Variants in MAPRE2 observed in about 807,000 individuals in gnomAD.
The protein encoded by MAPRE2 is microtubule-associated protein RP/EB family member 2.
Under a neutral mutation model 43.2 loss-of-function variants are expected in MAPRE2, and 13 were observed. The observed-to-expected ratio is 0.30, with a 90% CI of 0.20 to 0.48. The LOEUF (loss-of-function observed/expected upper bound fraction) is 0.48, where lower values mean the gene tolerates loss of function less well. MAPRE2 is among the 20% of genes least tolerant of loss of function. MAPRE2 has a pLI of 0.99. For synonymous variants in MAPRE2, 135 were observed against 148.8 expected (o/e 0.91, Z 0.68); for missense variants, 161 against 400.2 (o/e 0.40, Z 5.10).
At chr18:35,056,416 G>T (rs2150609777) in intron 1 of MAPRE2, among the ~76,000 whole-genome samples, 1 of 152,124 alleles carries the variant, frequency 6.6e-6, no homozygotes, top group South Asian at 2.1e-4. Flanking sequence ...GTTTAGGTTT[G>T]GAAAGCCAAA....
intron 2 of MAPRE2, among the ~76,000 whole-genome samples, chr18:35,008,502 G>A (rs892924549): frequency 6.6e-6 from 1 of 152,148 alleles, no homozygotes; most frequent in Non-Finnish European, 1.5e-5. Context: ...CATAATGAGT[G>A]TGAACTTTGT....
chr18:35,134,426 G>A (rs1423648216), intron 6 of MAPRE2, among the ~76,000 whole-genome samples: 5 of 152,200 alleles, frequency 3.3e-5, no homozygotes, highest in Non-Finnish European at 7.3e-5. Context: ...TCCCTGTGAG[G>A]TGAGTAATTA....
chr18:35,060,454 C>T (rs188204018), intron 1 of MAPRE2, among the ~76,000 whole-genome samples: 1 of 152,306 alleles, frequency 6.6e-6, no homozygotes, highest in African/African-American at 2.4e-5. Context: ...TAATCAGCTG[C>T]ATTTCTGACC....
At chr18:35,112,309 T>G (rs548366567) in intron 4 of MAPRE2, among the ~76,000 whole-genome samples, 1 of 152,162 alleles carries the variant, frequency 6.6e-6, no homozygotes, top group African/African-American at 2.4e-5. Flanking sequence ...GTAGCTGGGA[T>G]TACAGGCATG....
At chr18:35,009,275 A>G (rs1039701262) in intron 2 of MAPRE2, among the ~76,000 whole-genome samples, 3 of 152,148 alleles carry the variant, frequency 2.0e-5, no homozygotes, top group African/African-American at 7.2e-5. Flanking sequence ...GAGATTAGCT[A>G]TTCATTCCAT....
intron 2 of MAPRE2, among the ~76,000 whole-genome samples, chr18:35,076,174 C>G (rs1000069147): frequency 1.3e-5 from 2 of 152,158 alleles, no homozygotes; most frequent in Non-Finnish European, 2.9e-5. Flanking sequence ...ATTCTATAAT[C>G]AATTTAGTTT....
chr18:35,025,693 A>G (rs559478070), intron 2 of MAPRE2, among the ~76,000 whole-genome samples: 2 of 152,240 alleles, frequency 1.3e-5, no homozygotes, highest in Non-Finnish European at 2.9e-5. Flanking sequence ...AGCAAGCTGA[A>G]GTTATTTTCA....
At chr18:34,991,418 C>T (rs1464494963) in intron 1 of MAPRE2, among the ~76,000 whole-genome samples, 1 of 152,168 alleles carries the variant, frequency 6.6e-6, no homozygotes, top group Non-Finnish European at 1.5e-5. Context: ...AACGTCTGTC[C>T]TACAGAACTA....
At chr18:35,086,279 T>C (rs1907873592) in intron 2 of MAPRE2, among the ~76,000 whole-genome samples, 1 of 151,818 alleles carries the variant, frequency 6.6e-6, no homozygotes, top group African/African-American at 2.4e-5. Context: ...CATGTATATA[T>C]GAGATACATA....
chr18:35,017,557 T>C (rs1258224564), intron 2 of MAPRE2, among the ~76,000 whole-genome samples: 1 of 98,720 alleles, frequency 1.0e-5, no homozygotes, highest in Non-Finnish European at 2.5e-5. Context: ...TTTTCTTTTG[T>C]TTTTTGTTTT....
intron 1 of MAPRE2, among the ~76,000 whole-genome samples, chr18:34,991,891 G>A (rs1034641263): frequency 2.6e-5 from 4 of 152,154 alleles, no homozygotes; most frequent in African/African-American, 9.7e-5. Context: ...TTTTCCCATG[G>A]AGTTTGTGGC....
chr18:35,071,867 C>T (rs1050697787), intron 2 of MAPRE2, among the ~76,000 whole-genome samples: 4 of 152,202 alleles, frequency 2.6e-5, no homozygotes, highest in South Asian at 2.1e-4. Flanking sequence ...AGAACTTAGG[C>T]GTTGCCTCAC....
chr18:35,121,805 G>T (rs1483129814), intron 4 of MAPRE2, among the ~76,000 whole-genome samples: 1 of 152,194 alleles, frequency 6.6e-6, no homozygotes, highest in African/African-American at 2.4e-5. Flanking sequence ...AGCTATTGAG[G>T]ACTTCAGTAT....
intron 1 of MAPRE2, among the ~76,000 whole-genome samples, chr18:35,001,574 T>G (rs571467681): frequency 6.6e-6 from 1 of 151,988 alleles, no homozygotes; most frequent in South Asian, 2.1e-4. Context: ...CACTTCTGGT[T>G]TTGAATATGT....
intron 1 of MAPRE2, among the ~76,000 whole-genome samples, chr18:34,990,052 G>A (rs2097022978): frequency 6.6e-6 from 1 of 152,156 alleles, no homozygotes; most frequent in Non-Finnish European, 1.5e-5. Context: ...TTCTAGCACA[G>A]TGCTTGACAC....
At chr18:34,987,745 T>A (rs2097021758) in intron 1 of MAPRE2, among the ~76,000 whole-genome samples, 1 of 152,074 alleles carries the variant, frequency 6.6e-6, no homozygotes, top group African/African-American at 2.4e-5. Context: ...CAGGCTCAAG[T>A]GATCCTCCCA....
chr18:35,141,087 C>G lies in MAPRE2; in HGVS notation c.*718C>G, dbSNP rs1221991273. ...GAAAACACCATCTCAACTTTGCCCG[C>G]TCACCATGTCCCTTGCCCCCATGTA... On this transcript the variant is annotated 3_prime_UTR_variant, in exon 7 of 7. Transcript: ENST00000300249. 2 of 152,254 alleles carry G rather than the reference C, an allele frequency of 1.3e-5. No homozygotes were observed. The highest frequency in any genetic ancestry group is 4.8e-5 in the African/African-American group (2 of 41,450). 9.4% of individuals were successfully genotyped at this position (152,254 alleles called of 1,614,324 possible).
chr18:35,018,909 T>C (rs2097040213), intron 2 of MAPRE2, among the ~76,000 whole-genome samples: 1 of 151,986 alleles, frequency 6.6e-6, no homozygotes, highest in Non-Finnish European at 1.5e-5. Context: ...TTTGGTATGA[T>C]GTTAGATCAT....
At chr18:35,043,305 T>C (rs1905456452) in intron 1 of MAPRE2, among the ~76,000 whole-genome samples, 1 of 152,238 alleles carries the variant, frequency 6.6e-6, no homozygotes, top group African/African-American at 2.4e-5. Flanking sequence ...ATTTGAAGCC[T>C]TCATTTTCTA....
Sources: allele counts gnomAD v4.1 joint callset (sites outside exome capture counted in the v4.1 genomes callset), GRCh38; gene constraint gnomAD v4.1.1; transcripts MANE v1.5; gene names NCBI Gene and HGNC (gene_info 2026-07-23, HGNC 2026-07-21).